The following CNTN5 variants were observed in gnomAD, a reference collection of about 807,000 sequenced individuals.
CNTN5 encodes the protein contactin 5.
Under a neutral mutation model 129.1 loss-of-function variants are expected in CNTN5, and 77 were observed. The ratio of observed to expected loss-of-function variants is 0.60; its 90% CI spans 0.50 to 0.72. The LOEUF (loss-of-function observed/expected upper bound fraction) is 0.72, where lower values mean the gene tolerates loss of function less well. Ranked by LOEUF, CNTN5 falls within the 30% of genes least tolerant of loss-of-function variation. CNTN5 has a pLI of 0.00. For missense variants in CNTN5, 1,478 were observed against 1,328.8 expected, an observed-to-expected ratio of 1.11 and a Z score of -1.75; for synonymous variants, 509 against 465.6, an observed-to-expected ratio of 1.09 and a Z score of -1.20.
At chr11:100,140,329 T>G (rs1228921615) in intron 13 of CNTN5, among the ~76,000 whole-genome samples, 1 of 152,122 alleles carries the variant, frequency 6.6e-6, no homozygotes, top group Non-Finnish European at 1.5e-5. Flanking sequence ...AAATAGAACT[T>G]CAGGTTTTAC....
At chr11:99,488,345 G>C (rs1291590955) in intron 2 of CNTN5, among the ~76,000 whole-genome samples, 2 of 142,866 alleles carry the variant, frequency 1.4e-5, no homozygotes, top group African/African-American at 5.0e-5. Context: ...GCTAATTTTT[G>C]TATTTTTAGT....
intron 1 of CNTN5, among the ~76,000 whole-genome samples, chr11:99,036,498 C>T (rs1359245262): frequency 6.6e-6 from 1 of 152,040 alleles, no homozygotes; most frequent in Non-Finnish European, 1.5e-5. Context: ...AATAGTTCCT[C>T]ACCTAAAATT....
chr11:100,339,969 C>T (rs866739888), intron 21 of CNTN5, among the ~76,000 whole-genome samples: 1 of 152,164 alleles, frequency 6.6e-6, no homozygotes, highest in South Asian at 2.1e-4. Flanking sequence ...TACATTCAAA[C>T]CATTCCAGAG....
At chr11:99,998,107 C>T (rs1192182611) in intron 8 of CNTN5, among the ~76,000 whole-genome samples, 1 of 151,754 alleles carries the variant, frequency 6.6e-6, no homozygotes, top group Non-Finnish European at 1.5e-5. Context: ...GACAGGGATG[C>T]CCTCTCTCAC....
chr11:100,082,743 G>A (rs1262828763), intron 13 of CNTN5, among the ~76,000 whole-genome samples: 1 of 152,088 alleles, frequency 6.6e-6, no homozygotes, highest in African/African-American at 2.4e-5. Context: ...TAAAAATACT[G>A]GAAATAAATG....
At chr11:99,720,228 A>C (rs1943126669) in intron 3 of CNTN5, among the ~76,000 whole-genome samples, 2 of 152,166 alleles carry the variant, frequency 1.3e-5, no homozygotes, top group South Asian at 4.1e-4. Context: ...ACAACAACAA[A>C]GAAAGACTTC....
chr11:99,691,330 T>C (rs1404202920), intron 3 of CNTN5, among the ~76,000 whole-genome samples: 1 of 152,084 alleles, frequency 6.6e-6, no homozygotes, highest in Non-Finnish European at 1.5e-5. Context: ...GTTTGTTTAG[T>C]TGTGATGTTA....
intron 9 of CNTN5, among the ~76,000 whole-genome samples, chr11:100,032,282 G>C (rs1402878293): frequency 5.3e-5 from 8 of 151,932 alleles, no homozygotes; most frequent in Admixed American, 4.6e-4. Context: ...GTAGTATTTA[G>C]TTATATTAAT....
At chr11:99,220,917 T>C (rs1449861606) in intron 1 of CNTN5, among the ~76,000 whole-genome samples, 1 of 151,816 alleles carries the variant, frequency 6.6e-6, no homozygotes, top group Admixed American at 6.6e-5. Context: ...CTAAGTGGGT[T>C]GTCCAATGCA....
intron 1 of CNTN5, among the ~76,000 whole-genome samples, chr11:99,100,284 T>C (rs532846825): frequency 6.6e-6 from 1 of 152,048 alleles, no homozygotes; most frequent in Non-Finnish European, 1.5e-5. Flanking sequence ...AAACAATAGA[T>C]AAGAAATAAT....
intron 8 of CNTN5, among the ~76,000 whole-genome samples, chr11:99,975,643 G>A (rs1937902244): frequency 6.6e-6 from 1 of 152,090 alleles, no homozygotes; most frequent in South Asian, 2.1e-4. Context: ...GCAGGAGAGA[G>A]AGATCGCGAG....
Position 99,696,981 on chromosome 11 carries a change from C to A in CNTN5, c.56-122563C>A, listed in dbSNP as rs181876313. Among the ~76,000 whole-genome samples, 316 of 152,012 alleles carry A rather than the reference C, an allele frequency of 2.1e-3. 1 individual carries two copies. Among genetic ancestry groups the A allele is most frequent in the Non-Finnish European group, 3.7e-3 (251 of 67,884 alleles). ...AAAGTGCTTTACAGAACCAAACAAA[C>A]CCTCTCTTGATGGGAATGTCAAAAA... On this transcript the variant is annotated intron_variant, in intron 3 of 24. Transcript: ENST00000524871.
chr11:99,478,228 G>T (rs1425669244), intron 2 of CNTN5, among the ~76,000 whole-genome samples: 1 of 152,034 alleles, frequency 6.6e-6, no homozygotes, highest in Non-Finnish European at 1.5e-5. Flanking sequence ...GCTAAAACTG[G>T]GGTTTTATCT....
chr11:100,001,338 A>G (rs972310281), intron 8 of CNTN5, among the ~76,000 whole-genome samples: 6 of 152,160 alleles, frequency 3.9e-5, no homozygotes, highest in Admixed American at 2.0e-4. Context: ...GCATGGGGGA[A>G]TCTACCTCCA....
chr11:99,890,553 A>T (rs1375724359), intron 6 of CNTN5, among the ~76,000 whole-genome samples: 1 of 149,032 alleles, frequency 6.7e-6, no homozygotes, highest in Non-Finnish European at 1.5e-5. Flanking sequence ...TACATATATG[A>T]TTGAAATAGA....
chr11:99,254,970 CA>C (rs2135804161), intron 1 of CNTN5, among the ~76,000 whole-genome samples: 1 of 151,946 alleles, frequency 6.6e-6, no homozygotes, highest in Non-Finnish European at 1.5e-5. Flanking sequence ...CTATTTTGAA[CA>C]AGCCGATGTT....
chr11:99,171,406 G>A (rs1299310280), intron 1 of CNTN5, among the ~76,000 whole-genome samples: 8 of 152,046 alleles, frequency 5.3e-5, no homozygotes, highest in African/African-American at 1.4e-4. Flanking sequence ...TCTGTCTTTC[G>A]TACTGTCTCA....
intron 3 of CNTN5, among the ~76,000 whole-genome samples, chr11:99,772,653 T>C (rs1431764019): frequency 6.6e-6 from 1 of 152,104 alleles, no homozygotes; most frequent in African/African-American, 2.4e-5. Flanking sequence ...TTTTGCTAAA[T>C]AAATATTTTT....
intron 13 of CNTN5, among the ~76,000 whole-genome samples, chr11:100,086,167 T>C (rs1010022219): frequency 2.6e-5 from 4 of 151,770 alleles, no homozygotes; most frequent in African/African-American, 9.7e-5. Flanking sequence ...TTTGAAAGAC[T>C]CAGTTCACAT....
Sources: allele counts gnomAD v4.1 joint callset (sites outside exome capture counted in the v4.1 genomes callset), GRCh38; gene constraint gnomAD v4.1.1; transcripts MANE v1.5; gene names NCBI Gene and HGNC (gene_info 2026-07-23, HGNC 2026-07-21).